The following C12orf42 variants were observed in gnomAD, a reference collection of about 807,000 sequenced individuals.
C12orf42 encodes the protein uncharacterized protein C12orf42.
In C12orf42, 25 loss-of-function variants were observed where a neutral mutation model predicts 21.6. The ratio of observed to expected loss-of-function variants is 1.16; its 90% CI spans 0.84 to 1.62. The LOEUF is 1.62. Among genes scored for constraint, C12orf42 ranks in the 40% most tolerant of loss-of-function variants. C12orf42 has a pLI of 0.00. For missense variants in C12orf42, 483 were observed against 459.3 expected (o/e 1.05, Z -0.47); for synonymous variants, 174 against 175.0 (o/e 0.99, Z 0.05).
intron 4 of C12orf42, among the ~76,000 whole-genome samples, chr12:103,287,987 G>A (rs1263380409): frequency 6.6e-6 from 1 of 152,168 alleles, no homozygotes; most frequent in Admixed American, 6.5e-5. Flanking sequence ...TGACCATCAA[G>A]CCTTCTGCTC....
the C12orf42 span, among the ~76,000 whole-genome samples, chr12:103,112,703 T>C: frequency 0.011 from 1,616 of 152,276 alleles, 12 homozygotes; most frequent in South Asian, 0.019. Context: ...TTGCTTTCCC[T>C]AAGCTGCTAG....
chr12:103,101,825 G>A, the C12orf42 span, among the ~76,000 whole-genome samples: 4 of 152,196 alleles, frequency 2.6e-5, no homozygotes, highest in Non-Finnish European at 4.4e-5. Flanking sequence ...GGATTTACTC[G>A]TGTGTCTGTG....
chr12:103,198,175 A>G, the C12orf42 span, among the ~76,000 whole-genome samples: 4 of 152,194 alleles, frequency 2.6e-5, no homozygotes, highest in Non-Finnish European at 4.4e-5. Flanking sequence ...CATTCCAGTA[A>G]CACAGTAGGG....
At chr12:103,364,877 G>C (rs1272419342) in intron 4 of C12orf42, among the ~76,000 whole-genome samples, 1 of 151,998 alleles carries the variant, frequency 6.6e-6, no homozygotes, top group African/African-American at 2.4e-5. Flanking sequence ...GAACCAGGCA[G>C]ATTCACAGTT....
chr12:103,275,786 T>C (rs1033259577), intron 5 of C12orf42, among the ~76,000 whole-genome samples: 1 of 152,092 alleles, frequency 6.6e-6, no homozygotes, highest in East Asian at 1.9e-4. Context: ...AGACAAACTT[T>C]TTTTTTAAAA....
At chr12:103,294,945 A>AGT (rs1232268900) in intron 4 of C12orf42, among the ~76,000 whole-genome samples, 1 of 151,958 alleles carries the variant, frequency 6.6e-6, no homozygotes, top group Non-Finnish European at 1.5e-5. Flanking sequence ...AAAAGGCCCC[A>AGT]GTGTGTGTTG....
intron 2 of C12orf42, among the ~76,000 whole-genome samples, chr12:103,464,163 A>G (rs1952937395): frequency 6.6e-6 from 1 of 152,168 alleles, no homozygotes; most frequent in African/African-American, 2.4e-5. Context: ...GTCTTCCACA[A>G]TGGTTGAACT....
intron 4 of C12orf42, among the ~76,000 whole-genome samples, chr12:103,333,229 T>C (rs1166143005): frequency 2.6e-5 from 4 of 152,242 alleles, no homozygotes; most frequent in Non-Finnish European, 5.9e-5. Flanking sequence ...TAGTTTTGAA[T>C]TGCTTCTCCA....
the C12orf42 span, among the ~76,000 whole-genome samples, chr12:103,534,418 G>C: frequency 1.3e-5 from 2 of 152,082 alleles, no homozygotes; most frequent in Non-Finnish European, 1.5e-5. Flanking sequence ...ACCCATAAAA[G>C]GAATCCCCAG....
chr12:103,305,390 T>A (rs1331529269), intron 5 of C12orf42, among the ~76,000 whole-genome samples: 1 of 152,210 alleles, frequency 6.6e-6, no homozygotes, highest in Non-Finnish European at 1.5e-5. Flanking sequence ...TATAAATCAT[T>A]TAATTTGAAG....
At chr12:103,051,406 C>T in the C12orf42 span, among the ~76,000 whole-genome samples, 3 of 152,042 alleles carry the variant, frequency 2.0e-5, no homozygotes, top group East Asian at 1.9e-4. Context: ...GCCCAGAGCA[C>T]GAGGAGGCCC....
chr12:103,247,343 G>C (rs2034058787), intron 10 of C12orf42, among the ~76,000 whole-genome samples: 1 of 147,122 alleles, frequency 6.8e-6, no homozygotes, highest in Non-Finnish European at 1.5e-5. Context: ...CTTTTTATTT[G>C]TTCTAGACCT....
chr12:103,521,301 C>A, the C12orf42 span, among the ~76,000 whole-genome samples: 1 of 152,142 alleles, frequency 6.6e-6, no homozygotes, highest in African/African-American at 2.4e-5. Context: ...ATCCAAATGG[C>A]CATGAATGAT....
At chr12:103,522,221 T>C in the C12orf42 span, among the ~76,000 whole-genome samples, 1 of 152,188 alleles carries the variant, frequency 6.6e-6, no homozygotes. Flanking sequence ...TTTCCCCTTT[T>C]GCTTGGCTCT....
intron 2 of C12orf42, among the ~76,000 whole-genome samples, chr12:103,403,838 C>T (rs371530914): frequency 2.0e-5 from 3 of 152,300 alleles, no homozygotes; most frequent in South Asian, 2.1e-4. Flanking sequence ...GCAGTCAGCA[C>T]GAAGCACTGA....
chr12:103,193,337 G>GA, the C12orf42 span, among the ~76,000 whole-genome samples: 1 of 146,920 alleles, frequency 6.8e-6, no homozygotes, highest in South Asian at 2.1e-4. Flanking sequence ...CAAGGCACTA[G>GA]AAAAAAGAAG....
intron 2 of C12orf42, among the ~76,000 whole-genome samples, chr12:103,422,445 G>A (rs936550504): frequency 3.3e-5 from 5 of 152,156 alleles, no homozygotes; most frequent in East Asian, 1.9e-4. Flanking sequence ...CTAGACACAC[G>A]CCACAGAGGA....
chr12:103,157,790 G>A, the C12orf42 span, among the ~76,000 whole-genome samples: 2 of 152,118 alleles, frequency 1.3e-5, no homozygotes, highest in African/African-American at 4.8e-5. Flanking sequence ...GGTGTGTGGT[G>A]TTATTTCTGA....
rs369359879 is a variant in C12orf42, at chr12:103,335,686, G to A, written c.260-29341C>T. On this transcript the variant is annotated intron_variant, in intron 4 of 5. Coordinates refer to ENST00000548883, the MANE Select transcript of C12orf42 (RefSeq NM_198521.5). ...CCTAATGCAATTCTCAAAGAATCTT[G>A]CTATAGTTCAGTGGTTCTCAAATAT... 1.5e-3 allele frequency among the ~76,000 whole-genome samples: 227 copies of A among 152,262 alleles called. 10 individuals carry two copies. In the South Asian group the frequency reaches 0.046, roughly 31 times the overall value.
Sources: gnomAD v4.1 joint callset for allele counts (sites outside exome capture counted in the v4.1 genomes callset) on GRCh38, gnomAD v4.1.1 for gene constraint, MANE v1.5 for transcripts, NCBI Gene and HGNC (gene_info 2026-07-23, HGNC 2026-07-21) for gene names.